SYT16: variants seen among roughly 807,000 people sequenced by gnomAD.
The protein encoded by SYT16 is synaptotagmin 16, also known as synaptotagmin-16.
A neutral mutation model predicts 61.4 loss-of-function variants in SYT16; 42 were observed. That is an observed-to-expected ratio of 0.68 (90% CI 0.53 to 0.89). SYT16 has a LOEUF of 0.89. Ranked by LOEUF, SYT16 falls within the 40% of genes least tolerant of loss-of-function variation. SYT16 has a pLI of 0.00. For missense variants in SYT16, 804 were observed against 807.3 expected, an observed-to-expected ratio of 1.00 and a Z score of 0.05; for synonymous variants, 314 against 302.3, an observed-to-expected ratio of 1.04 and a Z score of -0.40.
At chr14:61,861,667 C>A (rs1040095815) in intron 1 of SYT16, among the ~76,000 whole-genome samples, 1 of 152,152 alleles carries the variant, frequency 6.6e-6, no homozygotes. Context: ...GGCCTCCCAA[C>A]GTGCTGGGAT....
At position 61,968,572 on chromosome 14, in the gene SYT16, A is replaced by G. The variant is rs1460730516; in HGVS notation, c.-324-1560A>G. Among the ~76,000 whole-genome samples, 5 of 152,144 alleles carry G rather than the reference A, an allele frequency of 3.3e-5. No homozygotes were observed. The East Asian group carries it at 9.6e-4, about 29-fold the overall frequency. On this transcript the variant is annotated intron_variant, in intron 1 of 7. Transcript: ENST00000683842. ...CCTAGATATTTTAGTAGCTCTGGAA[A>G]GTTGGTGATGAGAAAGATGGTTTAC...
rs898635653 is a variant in SYT16 at position 62,106,714 on chromosome 14, G to A, written c.*6007G>A. The A allele has an allele frequency of 6.6e-6, 1 of 152,120 alleles. No individual in the cohort carries two copies. The highest frequency in any genetic ancestry group is 1.5e-5 in the Non-Finnish European group (1 of 68,054). 9.4% of individuals were successfully genotyped at this position (152,120 alleles called of 1,614,324 possible). On this transcript the variant is annotated 3_prime_UTR_variant, in exon 8 of 8. Transcript: ENST00000683842. The stretch of plus-strand genomic sequence containing the variant: ...GGCTTTGGGGATGCCTGCAGGCTCA[G>A]GGGGAGTTTCCTCTCCTATGGTGCT...
rs2057534265 is a variant in SYT16, at chr14:62,107,483, G to C, written c.*6776G>C. On this transcript the variant is annotated 3_prime_UTR_variant, in exon 8 of 8. Coordinates refer to ENST00000683842, the MANE Select transcript of SYT16 (RefSeq NM_001367656.1). ...TAAGTGTAAATGTTCCAGACTCAGG[G>C]TTAGGGGTTGGAGAATGGCAGATGG... 6.6e-6 allele frequency: 1 copy of C among 152,098 alleles called. No individual in the cohort carries two copies. The highest frequency in any genetic ancestry group is 2.4e-5 in the African/African-American group (1 of 41,422). 9.4% of individuals were successfully genotyped at this position (152,098 alleles called of 1,614,324 possible).
chr14:61,926,471 A>T (rs1420606945), intron 1 of SYT16, among the ~76,000 whole-genome samples: 1 of 152,170 alleles, frequency 6.6e-6, no homozygotes, highest in African/African-American at 2.4e-5. Context: ...CATTTTCTAG[A>T]ACATTCTGCT....
At chr14:62,086,791 G>T (rs529020400) in intron 7 of SYT16, among the ~76,000 whole-genome samples, 1 of 152,222 alleles carries the variant, frequency 6.6e-6, no homozygotes. Flanking sequence ...TTTAGTACAT[G>T]ATTTGCCATA....
At chr14:61,826,962 C>T (rs2140227232) in intron 1 of SYT16, among the ~76,000 whole-genome samples, 1 of 152,024 alleles carries the variant, frequency 6.6e-6, no homozygotes, top group East Asian at 1.9e-4. Flanking sequence ...GTGTTTTTTC[C>T]ACTCTGCGGA....
chr14:61,865,401 C>T, intron 1 of SYT16: 1 of 616,244 alleles, frequency 1.6e-6, no homozygotes, highest in South Asian at 1.4e-5. Flanking sequence ...ATGTGATTTA[C>T]AAACTGGGAA....
chr14:62,037,429 C>G (rs564716403), intron 3 of SYT16, among the ~76,000 whole-genome samples: 2 of 152,264 alleles, frequency 1.3e-5, no homozygotes, highest in East Asian at 3.9e-4. Flanking sequence ...ATCAGGGACA[C>G]ATAATTAGCT....
At chr14:61,936,405 G>C (rs146132499) in intron 1 of SYT16, among the ~76,000 whole-genome samples, 22 of 152,084 alleles carry the variant, frequency 1.4e-4, no homozygotes, top group African/African-American at 5.3e-4. Context: ...GCTGCTGGGG[G>C]ATAGATAGGG....
At chr14:61,882,091 T>C (rs2047720754) in intron 1 of SYT16, among the ~76,000 whole-genome samples, 1 of 152,218 alleles carries the variant, frequency 6.6e-6, no homozygotes, top group African/African-American at 2.4e-5. Context: ...ATTACTTCCT[T>C]CTAATTAGTC....
intron 1 of SYT16, among the ~76,000 whole-genome samples, chr14:61,849,814 G>C (rs1173722934): frequency 1.3e-5 from 2 of 152,140 alleles, no homozygotes; most frequent in South Asian, 4.1e-4. Context: ...TCTTATGTAG[G>C]TGCTTTTTTG....
intron 1 of SYT16, among the ~76,000 whole-genome samples, chr14:61,849,787 G>A (rs2046556207): frequency 6.6e-6 from 1 of 152,100 alleles, no homozygotes; most frequent in Non-Finnish European, 1.5e-5. Context: ...ACTCTGATTG[G>A]TCACCCGATT....
At position 62,082,574 on chromosome 14, in the gene SYT16, C is replaced by G. The variant is rs942399280; in HGVS notation, c.1434+1300C>G. ...CCACTTCTGCCTTTGCCTCTACAGA[C>G]TCTTCTGGACATGGGAGCCAGAATG... On this transcript the variant is annotated intron_variant, in intron 6 of 7. Transcript: ENST00000683842. Among the ~76,000 whole-genome samples, 3 of 152,218 alleles carry G rather than the reference C, an allele frequency of 2.0e-5. No individual in the cohort carries two copies. In the South Asian group the frequency reaches 6.2e-4, roughly 32 times the overall value.
chr14:62,065,146 G>C lies in SYT16; in HGVS notation c.524-4457G>C, dbSNP rs570796056. 4.6e-5 allele frequency among the ~76,000 whole-genome samples: 7 copies of C among 152,276 alleles called. No individual in the cohort carries two copies. The East Asian group carries it at 1.2e-3, about 25-fold the overall frequency. ...AGCACTCTTCACAGGTTTCAGGGTGGAAGCAGGAGAGCTCCCTGAACCTTA... is the reference window on the plus strand; with the variant it reads ...AGCACTCTTCACAGGTTTCAGGGTGCAAGCAGGAGAGCTCCCTGAACCTTA... On this transcript the variant is annotated intron_variant, in intron 3 of 7. Transcript: ENST00000683842.
In SYT16 at chr14:62,090,376, A is replaced by C. The variant is rs542769356; in HGVS notation, c.1624+5991A>C. Among the ~76,000 whole-genome samples, 22 of 152,368 alleles carry C rather than the reference A, an allele frequency of 1.4e-4. No homozygotes were observed. The South Asian group carries it at 4.1e-3, about 29-fold the overall frequency. ...CCTTGTTAGGCACTCACAATAGCAG[A>C]GACTAAAGGAAAGAAAAACAAGCAA... On this transcript the variant is annotated intron_variant, in intron 7 of 7. Transcript: ENST00000683842.
chr14:61,911,398 A>G (rs1213803474), intron 1 of SYT16, among the ~76,000 whole-genome samples: 2 of 152,210 alleles, frequency 1.3e-5, no homozygotes, highest in Non-Finnish European at 2.9e-5. Context: ...GGGCATTCAC[A>G]TTCTTACAGT....
At chr14:61,814,289 T>C (rs966382267) in intron 1 of SYT16, among the ~76,000 whole-genome samples, 3 of 151,884 alleles carry the variant, frequency 2.0e-5, no homozygotes, top group African/African-American at 4.9e-5. Context: ...TGTGTGTGTT[T>C]AGAAAAAAAA....
chr14:61,941,202 A>G (rs1027257537), intron 1 of SYT16, among the ~76,000 whole-genome samples: 1 of 152,154 alleles, frequency 6.6e-6, no homozygotes, highest in Non-Finnish European at 1.5e-5. Flanking sequence ...TCCCTGTGCC[A>G]GTGGCCTGCC....
intron 1 of SYT16, among the ~76,000 whole-genome samples, chr14:61,880,867 C>G (rs1238343185): frequency 4.6e-5 from 7 of 152,024 alleles, no homozygotes; most frequent in Non-Finnish European, 1.0e-4. Flanking sequence ...AATCATAACA[C>G]TTGCAAAAAT....
Sources: allele counts gnomAD v4.1 joint callset (sites outside exome capture counted in the v4.1 genomes callset), GRCh38; gene constraint gnomAD v4.1.1; transcripts MANE v1.5; gene names NCBI Gene and HGNC (gene_info 2026-07-23, HGNC 2026-07-21).